The following TCN2 variants were observed in gnomAD, a reference collection of about 807,000 sequenced individuals.
TCN2 encodes transcobalamin 2, also known as transcobalamin-2.
In TCN2, 34 loss-of-function variants were observed where a neutral mutation model predicts 48.6. That is an observed-to-expected ratio of 0.70 (90% CI 0.53 to 0.93). The LOEUF is 0.93. TCN2 is among the 40% of genes least tolerant of loss of function. The pLI is 0.00. For missense variants in TCN2, 652 were observed against 526.1 expected, an observed-to-expected ratio of 1.24 and a Z score of -2.34; for synonymous variants, 283 against 212.5, an observed-to-expected ratio of 1.33 and a Z score of -2.89.
rs779652292 is a variant in TCN2, at chr22:30,610,943, C to G, written c.137C>G (p.Ser46Cys). 1 of 1,614,202 alleles carries G rather than the reference C, an allele frequency of 6.2e-7. No individual in the cohort carries two copies. Among genetic ancestry groups the G allele is most frequent in the Non-Finnish European group, 8.5e-7 (1 of 1,180,038 alleles). The stretch of plus-strand genomic sequence containing the variant: ...CTCTTACCTTGGATGGACCGGCTTT[C>G]CCTGGAGCACTTGAACCCCAGCATC... Reference protein sequence around the residue: ...QHLLPWMDRLSLEHLNPSIYV... With the variant: ...QHLLPWMDRLCLEHLNPSIYV... The change falls in exon 2 of 9, where the codon TCC (serine) becomes TGC (cysteine). Residue 46 changes from serine to cysteine, a missense_variant. By Grantham distance (112) the Ser-to-Cys change is moderately radical (BLOSUM62 -1). Transcript: ENST00000215838.
intron 3 of TCN2, among the ~76,000 whole-genome samples, chr22:30,613,862 C>T (rs2087574245): frequency 6.6e-6 from 1 of 152,208 alleles, no homozygotes; most frequent in African/African-American, 2.4e-5. Context: ...CTCCCACACA[C>T]CTGCCCTCTG....
rs1258571476 is a variant in TCN2, at chr22:30,607,187, T to G, written c.-145T>G. ...CCCCACCCCTCTGCAGACTTAGCCG[T>G]GCATTGCAGGCATGGAGGATTAATC... is the stretch of plus-strand genomic sequence containing the variant. On this transcript the variant is annotated 5_prime_UTR_variant, in exon 1 of 9. Coordinates refer to ENST00000215838, the MANE Select transcript of TCN2 (RefSeq NM_000355.4). The G allele has an allele frequency of 3.4e-6, 3 of 877,478 alleles. No individual in the cohort carries two copies. Among genetic ancestry groups the G allele is most frequent in the African/African-American group, 1.7e-5 (1 of 60,444 alleles). 54.4% of individuals were successfully genotyped at this position (877,478 alleles called of 1,614,324 possible). A position where few individuals can be genotyped will look rare whatever the true frequency, so the allele number is the denominator to read the frequency against.
chr22:30,610,169 G>A, intron 1 of TCN2: 3 of 469,000 alleles, frequency 6.4e-6, no homozygotes, highest in East Asian at 7.0e-5. Context: ...ACAGGTAAAC[G>A]GCTGCAAGCT....
In TCN2 at chr22:30,623,841, C is replaced by CATGCACACATATATGTAT. The variant is rs1162180833; in HGVS notation, c.1222+759_1222+760insTGCACACATATATGTATA. On this transcript the variant is annotated intron_variant, in intron 8 of 8. Coordinates refer to ENST00000215838, the MANE Select transcript of TCN2 (RefSeq NM_000355.4). ...ACACACATACACACACATATACACA[C>CATGCACACATATATGTAT]ACATACATACACATACATACACACA... Among the ~76,000 whole-genome samples the CATGCACACATATATGTAT allele has an allele frequency of 4.2e-5, 3 of 70,792 alleles. 1 individual carries two copies. Among genetic ancestry groups the CATGCACACATATATGTAT allele is most frequent in the African/African-American group, 3.8e-4 (3 of 7,914 alleles). The allele number at this position is 70,792 out of a possible 152,430, so 46.4% of individuals were successfully genotyped here.
chr22:30,612,577 A>C (rs952066941), intron 2 of TCN2, among the ~76,000 whole-genome samples: 4 of 152,186 alleles, frequency 2.6e-5, no homozygotes, highest in African/African-American at 9.6e-5. Flanking sequence ...TAAAATAAAA[A>C]AATAAAAAAG....
In TCN2 at chr22:30,610,361, T is replaced by C. The variant is rs867388286; in HGVS notation, c.65-510T>C. The C allele has an allele frequency of 3.9e-5, 18 of 462,360 alleles. No homozygotes were observed. In the Middle Eastern group the frequency reaches 4.6e-3, roughly 118 times the overall value. 28.6% of individuals were successfully genotyped at this position (462,360 alleles called of 1,614,324 possible). A position where few individuals can be genotyped will look rare whatever the true frequency, so the allele number is the denominator to read the frequency against. On this transcript the variant is annotated intron_variant, in intron 1 of 8. Transcript: ENST00000215838. ...GTAACACGTTCTGCATGTGGGCTGA[T>C]GTTTTTGTAAACGGGTAGCACACAC...
Position 30,615,615 on chromosome 22 carries a change from C to A in TCN2, c.768C>A (p.Ser256=). The A allele has an allele frequency of 1.2e-6, 2 of 1,614,130 alleles. No homozygotes were observed. Among genetic ancestry groups the A allele is most frequent in the Non-Finnish European group, 1.7e-6 (2 of 1,180,010 alleles). ...TPLALQFLMT[S]PMRGAELGTA... ...TCTATCACCAGTTCCTCATGACTTC[C>A]CCCATGCGTGGGGCAGAACTGGGAA... is the stretch of plus-strand genomic sequence containing the variant. Residue 256 remains serine, a synonymous_variant, in exon 6 of 9, where the codon TCC becomes TCA. Coordinates refer to ENST00000215838, the MANE Select transcript of TCN2 (RefSeq NM_000355.4).
Position 30,614,358 on chromosome 22 carries a change from A to C in TCN2, c.437A>C (p.His146Pro). ...TTTTTTTCCCTCTCAGGGCATGATC[A>C]CAAGGGCCACCCCCACACTAGCTAC... ...EDEKRAIGHD[H>P]KGHPHTSYYQ... The change falls in exon 4 of 9, where the codon CAC becomes CCC. Residue 146 changes from histidine to proline, a missense_variant. His to Pro is a moderately conservative substitution (Grantham distance 77). Transcript: ENST00000215838. 6.2e-7 allele frequency: 1 copy of C among 1,614,096 alleles called. No individual in the cohort carries two copies. Among genetic ancestry groups the C allele is most frequent in the Admixed American group, 1.7e-5 (1 of 60,014 alleles).
chr22:30,612,651 G>A (rs889373324), intron 2 of TCN2, among the ~76,000 whole-genome samples: 2 of 152,208 alleles, frequency 1.3e-5, no homozygotes, highest in African/African-American at 2.4e-5. Flanking sequence ...CTGGACACAG[G>A]AGCCCTTGGA....
intron 7 of TCN2, among the ~76,000 whole-genome samples, chr22:30,621,354 A>G (rs952706339): frequency 6.6e-6 from 1 of 152,224 alleles, no homozygotes; most frequent in South Asian, 2.1e-4. Flanking sequence ...TTAGGGCTGT[A>G]TTACCCCAGA....
rs1314239679 is a variant in TCN2, at chr22:30,624,077, TATA to T, written c.1222+995_1222+997del. On this transcript the variant is annotated intron_variant, in intron 8 of 8. Coordinates refer to ENST00000215838, the MANE Select transcript of TCN2 (RefSeq NM_000355.4). Reference sequence around the variant, plus strand: ...ACACACACACATATATATATATATATATATTTTTTTTTTTTGAGATGGAGTCTT... The same window carrying T: ...ACACACACACATATATATATATATATTTTTTTTTTTTTGAGATGGAGTCTT... Among the ~76,000 whole-genome samples, 10 of 84,366 alleles carry T rather than the reference TATA, an allele frequency of 1.2e-4. 1 individual carries two copies. Among genetic ancestry groups the T allele is most frequent in the Admixed American group, 3.9e-4 (3 of 7,696 alleles). The allele number at this position is 84,366 out of a possible 152,430, so 55.3% of individuals were successfully genotyped here. A position where few individuals can be genotyped will look rare whatever the true frequency, so the allele number is the denominator to read the frequency against.
intron 2 of TCN2, among the ~76,000 whole-genome samples, chr22:30,611,298 A>G (rs891904222): frequency 1.3e-5 from 2 of 152,372 alleles, no homozygotes; most frequent in Admixed American, 6.5e-5. Flanking sequence ...TGAGGCAGAC[A>G]TAACTAATCC....
At position 30,618,627 on chromosome 22, in the gene TCN2, A is replaced by C. The variant is rs1040442231; in HGVS notation, c.1106+1132A>C. On this transcript the variant is annotated intron_variant, in intron 7 of 8. Transcript: ENST00000215838. ...CGGCCTCCCAAAGTGCTGGGATTAC[A>C]GGCATGGGCCTCCGTGCCCGGCCAT... Among the ~76,000 whole-genome samples the C allele has an allele frequency of 3.3e-5, 5 of 152,144 alleles. 1 individual carries two copies. The South Asian group carries it at 8.3e-4, about 25-fold the overall frequency.
intron 8 of TCN2, among the ~76,000 whole-genome samples, chr22:30,624,602 C>T (rs2087776107): frequency 6.6e-6 from 1 of 152,096 alleles, no homozygotes; most frequent in South Asian, 2.1e-4. Context: ...ATGGAGACCC[C>T]AAGTCTGGCC....
At chr22:30,607,556 T>C (rs934070051) in intron 1 of TCN2, among the ~76,000 whole-genome samples, 161 bp downstream of exon 1, 4 of 152,240 alleles carry the variant, frequency 2.6e-5, no homozygotes, top group Non-Finnish European at 5.9e-5. Context: ...ATTGATTATA[T>C]GTTTGACTCC....
At chr22:30,617,817 G>T in intron 7 of TCN2, 1 of 418,284 alleles carries the variant, frequency 2.4e-6, no homozygotes, top group South Asian at 2.1e-5. Flanking sequence ...CCAGTGTGAA[G>T]AGTCCAGGAG....
At chr22:30,609,397 C>T (rs890482556) in intron 1 of TCN2, among the ~76,000 whole-genome samples, 7 of 152,214 alleles carry the variant, frequency 4.6e-5, no homozygotes, top group Non-Finnish European at 5.9e-5. Context: ...TATTACCCTG[C>T]GTGAATCTGC....
At position 30,607,265 on chromosome 22, in the gene TCN2, C is replaced by T. The variant is rs1432247695; in HGVS notation, c.-67C>T. 15 of 1,573,434 alleles carry T rather than the reference C, an allele frequency of 9.5e-6. No individual in the cohort carries two copies. The highest frequency in any genetic ancestry group is 1.3e-5 in the Non-Finnish European group (15 of 1,143,546). On this transcript the variant is annotated 5_prime_UTR_variant, in exon 1 of 9. Transcript: ENST00000215838. Reference sequence around the variant, plus strand: ...CGGTGACCAGCTGTGGTCAGGAGAGCCTCAGCAGGGCCAGCCCCAGGAGTC... The same window carrying T: ...CGGTGACCAGCTGTGGTCAGGAGAGTCTCAGCAGGGCCAGCCCCAGGAGTC...
intron 7 of TCN2, among the ~76,000 whole-genome samples, chr22:30,620,143 C>CTTTT (rs35127123): frequency 6.9e-6 from 1 of 144,934 alleles, no homozygotes. Context: ...GATGACAAAA[C>CTTTT]TTTTTTTTTT....
Sources: gnomAD v4.1 joint callset for allele counts (sites outside exome capture counted in the v4.1 genomes callset) on GRCh38, gnomAD v4.1.1 for gene constraint, MANE v1.5 for transcripts, NCBI Gene and HGNC (gene_info 2026-07-23, HGNC 2026-07-21) for gene names.